RNF138: variants seen among roughly 807,000 people sequenced by gnomAD.
RNF138 encodes the protein ring finger protein 138.
In RNF138, 12 loss-of-function variants were observed where a neutral mutation model predicts 31.0. That is an observed-to-expected ratio of 0.39 (90% CI 0.25 to 0.63). The LOEUF is 0.63. Among genes scored for constraint, RNF138 ranks in the 20% least tolerant of loss-of-function variants. The probability of loss-of-function intolerance (pLI) is 0.52; values close to 1 mark genes in which losing one functional copy is unlikely to be tolerated. For missense variants in RNF138, 192 were observed against 300.1 expected (o/e 0.64, Z 2.66); for synonymous variants, 105 against 99.5 (o/e 1.06, Z -0.33).
intron 4 of RNF138, among the ~76,000 whole-genome samples, chr18:32,115,689 G>A (rs1353658965): frequency 6.6e-6 from 1 of 152,156 alleles, no homozygotes; most frequent in Non-Finnish European, 1.5e-5. Context: ...AGGTTGCAGT[G>A]AGCCGAGAGC....
intron 6 of RNF138, among the ~76,000 whole-genome samples, chr18:32,125,854 A>T (rs2040375828): frequency 6.6e-6 from 1 of 152,186 alleles, no homozygotes; most frequent in Admixed American, 6.5e-5. Flanking sequence ...AAGGTGTACT[A>T]CCTACTTTGC....
chr18:32,124,536 A>G (rs1199549444), intron 5 of RNF138, 198 bp from the exon 6 acceptor site: 3 of 510,006 alleles, frequency 5.9e-6, no homozygotes. Flanking sequence ...TGAGGACACT[A>G]AGAGTACTGT....
At position 32,111,865 on chromosome 18, in the gene RNF138, C is replaced by G; in HGVS notation, c.222C>G (p.Asp74Glu). The G allele has an allele frequency of 6.2e-7, 1 of 1,613,630 alleles. No individual in the cohort carries two copies. Residue 74 changes from aspartate to glutamate, a missense_variant, in exon 3 of 8, where the codon GAC becomes GAG. Physicochemically the swap from Asp to Glu is conservative, Grantham distance 45 (BLOSUM62 2). Transcript: ENST00000261593. ...RERACPERAL[D>E]LENIMRKFSG... ...GAGCATGTCCTGAACGGGCCTTAGA[C>G]CTTGAAAATATAATGAGGAAGTTTT... is the stretch of plus-strand genomic sequence containing the variant.
chr18:32,130,261 G>A lies in RNF138; in HGVS notation c.*1074G>A, dbSNP rs1210595053. 2.0e-5 allele frequency: 3 copies of A among 152,200 alleles called. No homozygotes were observed. Among genetic ancestry groups the A allele is most frequent in the South Asian group, 4.1e-4 (2 of 4,824 alleles). 9.4% of individuals were successfully genotyped at this position (152,200 alleles called of 1,614,324 possible). On this transcript the variant is annotated 3_prime_UTR_variant, in exon 8 of 8. Transcript: ENST00000261593. ...TAAAAAGTGATAGTCACAGTGCTAA[G>A]TTATCTAGTTGGCTACTATTACACC... is the stretch of plus-strand genomic sequence containing the variant.
chr18:32,092,100 C>A lies in RNF138; in HGVS notation c.-213C>A, dbSNP rs1598838721. 6.5e-6 allele frequency: 1 copy of A among 152,680 alleles called. No homozygotes were observed. The highest frequency in any genetic ancestry group is 1.5e-5 in the Non-Finnish European group (1 of 68,302). The allele number at this position is 152,680 out of a possible 1,614,324, so 9.5% of individuals were successfully genotyped here. On this transcript the variant is annotated 5_prime_UTR_variant, in exon 1 of 8. Coordinates refer to ENST00000261593, the MANE Select transcript of RNF138 (RefSeq NM_016271.5). The stretch of plus-strand genomic sequence containing the variant: ...GCCGATAAGCACAGCGCACGCCGCC[C>A]TCCATTTGCCCCGGGGCCTCGGCTG...
At chr18:32,099,517 C>T (rs548556032) in intron 2 of RNF138, among the ~76,000 whole-genome samples, 1 of 152,276 alleles carries the variant, frequency 6.6e-6, no homozygotes, top group South Asian at 2.1e-4. Flanking sequence ...ATTCTCCTGC[C>T]CCAATCTCCC....
At chr18:32,094,014 A>G (rs1311662893) in intron 2 of RNF138, among the ~76,000 whole-genome samples, 1 of 151,974 alleles carries the variant, frequency 6.6e-6, no homozygotes, top group African/African-American at 2.4e-5. Flanking sequence ...GATGGTCTCG[A>G]TCTCCTGACC....
At chr18:32,098,163 T>A (rs1883358211) in intron 2 of RNF138, among the ~76,000 whole-genome samples, 1 of 151,958 alleles carries the variant, frequency 6.6e-6, no homozygotes, top group Non-Finnish European at 1.5e-5. Context: ...ATTTTTTGTA[T>A]TTTTAGTAGA....
rs2040467899 is a variant in RNF138 at position 32,131,034 on chromosome 18, ATCCAATAT to A, written c.*1848_*1855del. 1 of 151,364 alleles carries A rather than the reference ATCCAATAT, an allele frequency of 6.6e-6. No individual in the cohort carries two copies. Among genetic ancestry groups the A allele is most frequent in the Non-Finnish European group, 1.5e-5 (1 of 67,664 alleles). 9.4% of individuals were successfully genotyped at this position (151,364 alleles called of 1,614,324 possible). A position where few individuals can be genotyped will look rare whatever the true frequency, so the allele number is the denominator to read the frequency against. ...TTCTGGGATTTGCAAAGTTTAATACATCCAATATGTCAAGTTAAACCATTCTGGGATTT... is the reference window on the plus strand; with the variant it reads ...TTCTGGGATTTGCAAAGTTTAATACAGTCAAGTTAAACCATTCTGGGATTT... On this transcript the variant is annotated 3_prime_UTR_variant, in exon 8 of 8. Transcript: ENST00000261593.
chr18:32,113,794 A>G lies in RNF138; in HGVS notation c.326A>G (p.Gln109Arg). 4 of 1,559,416 alleles carry G rather than the reference A, an allele frequency of 2.6e-6. No individual in the cohort carries two copies. Among genetic ancestry groups the G allele is most frequent in the Non-Finnish European group, 3.5e-6 (4 of 1,154,828 alleles). ...CATTACAAATCTTGTAAGAAGTATC[A>G]GGATGAATATGGTGTTTCTTCTATC... Reference protein sequence around the residue: ...RHHYKSCKKYQDEYGVSSIIP... With the variant: ...RHHYKSCKKYRDEYGVSSIIP... The change falls in exon 4 of 8, where the codon CAG becomes CGG. Residue 109 changes from glutamine (Q) to arginine (R), a missense_variant. By Grantham distance (43) the Gln-to-Arg change is conservative (BLOSUM62 1). Around this residue, in one of 2 missense-constraint regions of RNF138, gnomAD observed 140 missense variants for 251.7 expected, o/e 0.56. Transcript: ENST00000261593.
At chr18:32,116,359 T>C (rs561680932) in intron 4 of RNF138, among the ~76,000 whole-genome samples, 1 of 152,134 alleles carries the variant, frequency 6.6e-6, no homozygotes, top group Non-Finnish European at 1.5e-5. Flanking sequence ...CTCTAAACTT[T>C]ATTGTATTTA....
chr18:32,125,034 C>G, intron 6 of RNF138, 189 bp downstream of exon 6: 1 of 523,042 alleles, frequency 1.9e-6, no homozygotes, highest in Non-Finnish European at 3.4e-6. Flanking sequence ...TGCAGTAACT[C>G]TCATTATAAA....
intron 2 of RNF138, among the ~76,000 whole-genome samples, chr18:32,110,237 C>T (rs2040104144): frequency 6.6e-6 from 1 of 152,196 alleles, no homozygotes. Flanking sequence ...AAGCTGTCCT[C>T]CTGCCTTGTC....
rs1598860957 is a variant in RNF138, at chr18:32,119,380, A to T, written c.393-4138A>T. Among the ~76,000 whole-genome samples, 3 of 152,154 alleles carry T rather than the reference A, an allele frequency of 2.0e-5. No individual in the cohort carries two copies. In the East Asian group the frequency reaches 5.8e-4, roughly 29 times the overall value. ...CTCCTAAAGTGTTGGGATCACAGGC[A>T]TGAGCCTCTGTGGTGCCTGGCCTCT... On this transcript the variant is annotated intron_variant, in intron 4 of 7. Coordinates refer to ENST00000261593, the MANE Select transcript of RNF138 (RefSeq NM_016271.5).
intron 6 of RNF138, among the ~76,000 whole-genome samples, chr18:32,126,351 A>C (rs1189788592): frequency 6.6e-6 from 1 of 152,248 alleles, no homozygotes; most frequent in African/African-American, 2.4e-5. Context: ...TATTGTATGG[A>C]TCAAATGAGA....
chr18:32,103,966 G>GA (rs1298209257), intron 2 of RNF138, among the ~76,000 whole-genome samples: 54 of 122,556 alleles, frequency 4.4e-4, no homozygotes, highest in African/African-American at 9.8e-4. Flanking sequence ...CTCCGTCTCA[G>GA]AAAAAAAAAA....
intron 2 of RNF138, among the ~76,000 whole-genome samples, chr18:32,110,623 T>A (rs114858550): frequency 0.015 from 2,317 of 152,250 alleles, 63 homozygotes; most frequent in African/African-American, 0.053. Flanking sequence ...TTATAGGAGA[T>A]TGGATTAAAT....
chr18:32,121,371 G>A (rs556063119), intron 4 of RNF138, among the ~76,000 whole-genome samples: 57 of 151,802 alleles, frequency 3.8e-4, no homozygotes, highest in Non-Finnish European at 6.9e-4. Flanking sequence ...GGTACATGCC[G>A]GTAATCCTAG....
Position 32,109,881 on chromosome 18 carries a change from G to A in RNF138, c.111-1873G>A, listed in dbSNP as rs1045381853. 3.9e-5 allele frequency among the ~76,000 whole-genome samples: 6 copies of A among 152,132 alleles called. No homozygotes were observed. In the East Asian group the frequency reaches 1.2e-3, roughly 29 times the overall value. The stretch of plus-strand genomic sequence containing the variant: ...AGCCTGGGCGACAGAGCGAGGCTCT[G>A]TCTCAAAAAAATAAAATAAATAAAA... On this transcript the variant is annotated intron_variant, in intron 2 of 7. Transcript: ENST00000261593.
Sources: allele counts gnomAD v4.1 joint callset (sites outside exome capture counted in the v4.1 genomes callset), GRCh38; gene constraint gnomAD v4.1.1; regional missense constraint gnomAD v4.1.1; transcripts MANE v1.5; gene names NCBI Gene and HGNC (gene_info 2026-07-23, HGNC 2026-07-21).